The following ITPR1 variants were observed in gnomAD, a reference collection of about 807,000 sequenced individuals.
The protein encoded by ITPR1 is inositol 1,4,5-trisphosphate receptor type 1.
Under a neutral mutation model 318.4 loss-of-function variants are expected in ITPR1, and 96 were observed. The observed-to-expected ratio is 0.30, with a 90% CI of 0.26 to 0.36. The LOEUF (loss-of-function observed/expected upper bound fraction) is 0.36. ITPR1 is among the 10% of genes least tolerant of loss of function. ITPR1 has a pLI of 1.00. For missense variants in ITPR1, 2,440 were observed against 3,460.2 expected, an observed-to-expected ratio of 0.71 and a Z score of 7.40; for synonymous variants, 1,312 against 1,289.9, an observed-to-expected ratio of 1.02 and a Z score of -0.37.
chr3:4,755,122 C>T (rs1436312700), intron 44 of ITPR1, among the ~76,000 whole-genome samples: 1 of 151,678 alleles, frequency 6.6e-6, no homozygotes, highest in Non-Finnish European at 1.5e-5. Flanking sequence ...CAGTGGTTGC[C>T]AGTAGCCTGC....
Position 4,660,282 on chromosome 3 carries a change from C to T in ITPR1, c.1152-706C>T, listed in dbSNP as rs574691996. Reference sequence around the variant, plus strand: ...CATTATTAAATTACCCGTTTGTGTCCTTGTCCCATTTTCACTTCCAATATT... The same window carrying T: ...CATTATTAAATTACCCGTTTGTGTCTTTGTCCCATTTTCACTTCCAATATT... On this transcript the variant is annotated intron_variant, in intron 13 of 61. Coordinates refer to ENST00000649015, the MANE Select transcript of ITPR1 (RefSeq NM_001378452.1). 3.3e-5 allele frequency among the ~76,000 whole-genome samples: 5 copies of T among 152,148 alleles called. No homozygotes were observed. The East Asian group carries it at 9.6e-4, about 29-fold the overall frequency.
chr3:4,610,020 A>T (rs1028320154), intron 4 of ITPR1, among the ~76,000 whole-genome samples: 1 of 152,108 alleles, frequency 6.6e-6, no homozygotes, highest in Non-Finnish European at 1.5e-5. Context: ...TCCATTCTAC[A>T]TGGTGGGCTG....
At chr3:4,682,146 G>A (rs1234963450) in intron 26 of ITPR1, among the ~76,000 whole-genome samples, 1 of 152,188 alleles carries the variant, frequency 6.6e-6, no homozygotes, top group Non-Finnish European at 1.5e-5. Flanking sequence ...AAGCTGGATG[G>A]TTCTTCTGCT....
At chr3:4,613,769 A>G (rs2092268735) in intron 4 of ITPR1, among the ~76,000 whole-genome samples, 1 of 152,078 alleles carries the variant, frequency 6.6e-6, no homozygotes, top group African/African-American at 2.4e-5. Flanking sequence ...CATGAAAAGC[A>G]TTTTATTTTT....
At chr3:4,743,003 A>G (rs1469689459) in intron 44 of ITPR1, among the ~76,000 whole-genome samples, 1 of 152,220 alleles carries the variant, frequency 6.6e-6, no homozygotes, top group Non-Finnish European at 1.5e-5. Flanking sequence ...AGTACAGGTT[A>G]TTTAGGTTGG....
Position 4,702,924 on chromosome 3 carries a change from G to A in ITPR1, c.4631G>A (p.Ser1544Asn), listed in dbSNP as rs762107663. ...LMPSQKASVESCIRVLSDVAK... is the reference protein window; with the variant it reads ...LMPSQKASVENCIRVLSDVAK... Reference sequence around the variant, plus strand: ...CCAAGCCAAAAAGCCTCCGTGGAGAGCTGTATTCGGGTGCTGTCTGATGTA... The same window carrying A: ...CCAAGCCAAAAAGCCTCCGTGGAGAACTGTATTCGGGTGCTGTCTGATGTA... Residue 1544 changes from serine to asparagine, a missense_variant, in exon 36 of 62, where the codon AGC (serine) becomes AAC (asparagine). This residue lies in a region of ITPR1 where 166 missense variants were observed against 246.5 expected (regional missense o/e 0.67). Transcript: ENST00000649015. 5.6e-6 allele frequency: 9 copies of A among 1,613,872 alleles called. No homozygotes were observed. The highest frequency in any genetic ancestry group is 7.6e-6 in the Non-Finnish European group (9 of 1,179,862).
chr3:4,622,047 A>C (rs986064682), intron 4 of ITPR1, among the ~76,000 whole-genome samples: 2 of 151,142 alleles, frequency 1.3e-5, no homozygotes, highest in African/African-American at 4.9e-5. Context: ...GTGGTAACAG[A>C]CTTGTGCAAC....
intron 4 of ITPR1, among the ~76,000 whole-genome samples, chr3:4,560,097 T>C (rs1410628482): frequency 6.6e-6 from 1 of 152,222 alleles, no homozygotes; most frequent in Admixed American, 6.5e-5. Context: ...GATTAAATGG[T>C]TTCCTATTTG....
At chr3:4,793,669 C>T (rs1024634313) in intron 52 of ITPR1, among the ~76,000 whole-genome samples, 8 of 152,172 alleles carry the variant, frequency 5.3e-5, no homozygotes, top group Non-Finnish European at 1.2e-4. Flanking sequence ...ATTCAATTGT[C>T]ACATGGGTCA....
At chr3:4,772,396 G>A (rs2046243768) in intron 46 of ITPR1, among the ~76,000 whole-genome samples, 1 of 152,248 alleles carries the variant, frequency 6.6e-6, no homozygotes, top group African/African-American at 2.4e-5. Context: ...GTTGGTAAAT[G>A]TTCAGAAGAG....
Position 4,661,104 on chromosome 3 carries a change from G to C in ITPR1, c.1251+17G>C. On this transcript the variant is annotated intron_variant, in intron 14 of 61. Coordinates refer to ENST00000649015, the MANE Select transcript of ITPR1 (RefSeq NM_001378452.1). The stretch of plus-strand genomic sequence containing the variant: ...ATGCTGAAAGTAAGTCCTGGGACTT[G>C]CCTGTCTCCTTTTGGTCTCGTGTTT... The C allele has an allele frequency of 7.0e-7, 1 of 1,438,424 alleles. No homozygotes were observed. The highest frequency in any genetic ancestry group is 9.8e-7 in the Non-Finnish European group (1 of 1,020,142). The allele number at this position is 1,438,424 out of a possible 1,614,324, so 89.1% of individuals were successfully genotyped here. A position where few individuals can be genotyped will look rare whatever the true frequency, so the allele number is the denominator to read the frequency against.
intron 4 of ITPR1, among the ~76,000 whole-genome samples, chr3:4,580,924 T>A (rs1464772158): frequency 6.6e-6 from 1 of 152,088 alleles, no homozygotes; most frequent in Non-Finnish European, 1.5e-5. Context: ...GAGCAGCCAA[T>A]ATTTCTTCTG....
chr3:4,499,596 G>T (rs138302199), intron 2 of ITPR1, among the ~76,000 whole-genome samples: 4 of 152,116 alleles, frequency 2.6e-5, no homozygotes, highest in Admixed American at 6.5e-5. Flanking sequence ...CATTACAAAT[G>T]GTTGATGTTC....
chr3:4,744,670 A>C (rs1382591789), intron 44 of ITPR1, among the ~76,000 whole-genome samples: 1 of 152,156 alleles, frequency 6.6e-6, no homozygotes, highest in Non-Finnish European at 1.5e-5. Context: ...GGGTTTGTTT[A>C]ATCTTTACTA....
chr3:4,745,528 C>T (rs1039697327), intron 44 of ITPR1, among the ~76,000 whole-genome samples: 8 of 152,190 alleles, frequency 5.3e-5, no homozygotes, highest in Non-Finnish European at 1.0e-4. Flanking sequence ...CAAACGTTTT[C>T]CTAGTGGTAA....
At chr3:4,772,780 T>G (rs1331072830) in intron 46 of ITPR1, among the ~76,000 whole-genome samples, 1 of 152,176 alleles carries the variant, frequency 6.6e-6, no homozygotes, top group Non-Finnish European at 1.5e-5. Context: ...TGCCTCGTAG[T>G]GAGTGGTGTG....
At chr3:4,497,059 GT>G (rs57639719) in intron 2 of ITPR1, among the ~76,000 whole-genome samples, 4,762 of 150,974 alleles carry the variant, frequency 0.032, 229 homozygotes, top group African/African-American at 0.1. Context: ...AGTCCATGCA[GT>G]TTTTTTTTTT....
At chr3:4,593,400 G>A (rs1442725732) in intron 4 of ITPR1, among the ~76,000 whole-genome samples, 1 of 152,166 alleles carries the variant, frequency 6.6e-6, no homozygotes, top group Non-Finnish European at 1.5e-5. Flanking sequence ...TTTTCAAGAG[G>A]AAATATGAGA....
chr3:4,645,770 A>G (rs771676376), intron 10 of ITPR1, 42 bp downstream of exon 10: 63 of 1,541,380 alleles, frequency 4.1e-5, no homozygotes, highest in African/African-American at 9.7e-5. Flanking sequence ...TTTAGAGGAT[A>G]TCAGCCTGTA....
Sources: allele counts gnomAD v4.1 joint callset (sites outside exome capture counted in the v4.1 genomes callset), GRCh38; gene constraint gnomAD v4.1.1; regional missense constraint gnomAD v4.1.1; transcripts MANE v1.5; gene names NCBI Gene and HGNC (gene_info 2026-07-23, HGNC 2026-07-21).